The following TMEM245 variants were observed in gnomAD, a reference collection of about 807,000 sequenced individuals.
TMEM245 encodes transmembrane protein 245.
A neutral mutation model predicts 101.2 loss-of-function variants in TMEM245; 69 were observed. That is an observed-to-expected ratio of 0.68 (90% CI 0.56 to 0.83). TMEM245 has a LOEUF of 0.83. Among genes scored for constraint, TMEM245 ranks in the 40% least tolerant of loss-of-function variants. The pLI, the probability that TMEM245 is intolerant of heterozygous loss-of-function variation, is 0.00. For synonymous variants in TMEM245, 537 were observed against 449.8 expected (o/e 1.19, Z -2.45); for missense variants, 1,075 against 1,092.8 (o/e 0.98, Z 0.23).
At chr9:109,036,127 G>T in intron 16 of TMEM245, 79 bp downstream of exon 16, 3 of 1,290,824 alleles carry the variant, frequency 2.3e-6, no homozygotes, top group East Asian at 2.6e-5. Context: ...ACCCCCAGGA[G>T]AAAAAAATCC....
chr9:109,034,186 G>A (rs907481686), intron 16 of TMEM245, among the ~76,000 whole-genome samples: 1 of 152,198 alleles, frequency 6.6e-6, no homozygotes, highest in African/African-American at 2.4e-5. Context: ...GAAGGACTGG[G>A]AAATAAGTCA....
In TMEM245 at chr9:109,106,657, A is replaced by G. The variant is rs146786481; in HGVS notation, c.698-48T>C. ...ATTTTTAGTGAAATAAAAACCTAGTACTTGTTTTTACAAAACTCAGTTTTG... is the reference window on the plus strand; with the variant it reads ...ATTTTTAGTGAAATAAAAACCTAGTGCTTGTTTTTACAAAACTCAGTTTTG... On this transcript the variant is annotated intron_variant, in intron 2 of 17. Coordinates refer to ENST00000374586, the MANE Select transcript of TMEM245 (RefSeq NM_032012.4). 9.3e-4 allele frequency: 1,272 copies of G among 1,374,818 alleles called. 10 individuals carry two copies. The African/African-American group carries it at 0.017, about 18-fold the overall frequency. 85.2% of individuals were successfully genotyped at this position (1,374,818 alleles called of 1,614,324 possible). A position where few individuals can be genotyped will look rare whatever the true frequency, so the allele number is the denominator to read the frequency against.
chr9:109,106,014 C>T (rs1371548695), intron 3 of TMEM245, among the ~76,000 whole-genome samples: 1 of 152,128 alleles, frequency 6.6e-6, no homozygotes, highest in African/African-American at 2.4e-5. Context: ...CCTCGTGATC[C>T]GCTTGCCTCA....
chr9:109,052,698 T>A (rs184975776), intron 12 of TMEM245, among the ~76,000 whole-genome samples: 75 of 152,266 alleles, frequency 4.9e-4, no homozygotes, highest in African/African-American at 1.7e-3. Flanking sequence ...CCTCGTGGGA[T>A]AAAGAATAAA....
chr9:109,078,877 T>C (rs552606923), intron 8 of TMEM245, among the ~76,000 whole-genome samples: 17 of 152,196 alleles, frequency 1.1e-4, no homozygotes, highest in Non-Finnish European at 2.1e-4. Flanking sequence ...GGGATGCTTA[T>C]TACATGTCTG....
intron 17 of TMEM245, among the ~76,000 whole-genome samples, chr9:109,033,033 A>G (rs1215450744): frequency 6.6e-6 from 1 of 152,154 alleles, no homozygotes; most frequent in Non-Finnish European, 1.5e-5. Context: ...TCCTGACCTC[A>G]GGTGATCCAC....
Position 109,042,902 on chromosome 9 carries a change from G to A in TMEM245, c.2124-4785C>T, listed in dbSNP as rs190399409. The stretch of plus-strand genomic sequence containing the variant: ...AATCTGTCGCCCAGGCTAGAGTGCA[G>A]TGGTGCAATCCTGGCTCATTGCAAC... On this transcript the variant is annotated intron_variant, in intron 14 of 17. Coordinates refer to ENST00000374586, the MANE Select transcript of TMEM245 (RefSeq NM_032012.4). 1.9e-3 allele frequency among the ~76,000 whole-genome samples: 261 copies of A among 139,174 alleles called. 3 individuals carry two copies. The highest frequency in any genetic ancestry group is 6.1e-3 in the African/African-American group (221 of 36,386). 91.3% of individuals were successfully genotyped at this position (139,174 alleles called of 152,430 possible). A position where few individuals can be genotyped will look rare whatever the true frequency, so the allele number is the denominator to read the frequency against.
At chr9:109,033,266 AATGT>A (rs772428317) in intron 17 of TMEM245, 37 bp downstream of exon 17, 1 of 1,530,750 alleles carries the variant, frequency 6.5e-7, no homozygotes, top group South Asian at 1.3e-5. Context: ...AGGACAGTTC[AATGT>A]ATAAATACAG....
In TMEM245 at chr9:109,108,568, G is replaced by C; in HGVS notation, c.582C>G (p.Ile194Met). 6.3e-7 allele frequency: 1 copy of C among 1,586,650 alleles called. No homozygotes were observed. Among genetic ancestry groups the C allele is most frequent in the Non-Finnish European group, 8.5e-7 (1 of 1,169,638 alleles). ...RGLDYFSSLW[I>M]WTLVVGYVLT... ...ACACATAGCCAACCACCAACGTCCA[G>C]ATCTTAAATAAATGAAAGACACAGC... The change falls in exon 2 of 18, where the codon ATC becomes ATG. Residue 194 changes from isoleucine to methionine, a missense_variant and splice_region_variant. This residue lies in a region of TMEM245 where 808 missense variants were observed against 741.5 expected (regional missense o/e 1.09). Transcript: ENST00000374586.
At chr9:109,038,831 G>A (rs1828217405) in intron 14 of TMEM245, 1 of 152,234 alleles carries the variant, frequency 6.6e-6, no homozygotes, top group South Asian at 2.1e-4. Flanking sequence ...AATGTCAGGT[G>A]CTCTGTGTTT....
chr9:109,072,038 T>C (rs774915518), intron 9 of TMEM245, among the ~76,000 whole-genome samples: 41 of 152,154 alleles, frequency 2.7e-4, no homozygotes, highest in Admixed American at 3.9e-4. Context: ...TGAGTAGACA[T>C]AGGTATGTTC....
chr9:109,095,117 C>T (rs1181973221), intron 3 of TMEM245, among the ~76,000 whole-genome samples: 2 of 152,124 alleles, frequency 1.3e-5, no homozygotes, highest in African/African-American at 4.8e-5. Context: ...TATCGTATCT[C>T]TCAATATGAG....
chr9:109,117,726 C>T (rs1830763934), intron 1 of TMEM245, among the ~76,000 whole-genome samples: 2 of 152,216 alleles, frequency 1.3e-5, no homozygotes, highest in Non-Finnish European at 2.9e-5. Context: ...TTACATGTGG[C>T]AGGCCTTTCT....
chr9:109,115,045 C>T (rs139576587), intron 1 of TMEM245, among the ~76,000 whole-genome samples: 82 of 152,104 alleles, frequency 5.4e-4, no homozygotes, highest in African/African-American at 1.8e-3. Flanking sequence ...AAACTAGTGA[C>T]GAAGAAAAAC....
At position 109,119,572 on chromosome 9, in the gene TMEM245, G is replaced by C; in HGVS notation, c.342C>G (p.Arg114=). The C allele has an allele frequency of 6.5e-7, 1 of 1,541,262 alleles. No homozygotes were observed. Residue 114 remains arginine (R), a synonymous_variant, in exon 1 of 18, where the codon CGC becomes CGG. Transcript: ENST00000374586. ...LGRHWLQRLH[R]AHTPIVLAAL... ...CGGCCAGGACGATGGGCGTGTGCGCGCGGTGCAGGCGCTGCAGCCAGTGGC... is the reference window on the plus strand; with the variant it reads ...CGGCCAGGACGATGGGCGTGTGCGCCCGGTGCAGGCGCTGCAGCCAGTGGC...
At chr9:109,064,591 T>A (rs775221894) in intron 9 of TMEM245, 24 bp from the exon 10 acceptor site, 87 of 1,597,140 alleles carry the variant, frequency 5.4e-5, no homozygotes, top group African/African-American at 8.1e-5. Context: ...AAGAAAAAAA[T>A]GAAAAAAGTA....
chr9:109,041,029 G>T, intron 14 of TMEM245, among the ~76,000 whole-genome samples: 1 of 152,144 alleles, frequency 6.6e-6, no homozygotes, highest in Non-Finnish European at 1.5e-5. Flanking sequence ...TCTCAATTCC[G>T]AAAAAACTAA....
intron 8 of TMEM245, among the ~76,000 whole-genome samples, chr9:109,075,670 G>C (rs1189946609): frequency 2.0e-5 from 3 of 152,132 alleles, no homozygotes; most frequent in African/African-American, 7.2e-5. Context: ...ATCCTTTCAA[G>C]ATCCGTGACA....
chr9:109,082,667 A>G (rs1829701654), intron 7 of TMEM245, among the ~76,000 whole-genome samples: 3 of 152,064 alleles, frequency 2.0e-5, no homozygotes, highest in African/African-American at 7.2e-5. Context: ...TTTTTTCAGA[A>G]AAGTCATATC....
Sources: gnomAD v4.1 joint callset for allele counts (sites outside exome capture counted in the v4.1 genomes callset) on GRCh38, gnomAD v4.1.1 for gene constraint, gnomAD v4.1.1 regional missense constraint, MANE v1.5 for transcripts, NCBI Gene and HGNC (gene_info 2026-07-23, HGNC 2026-07-21) for gene names.